MTF2: variants seen among roughly 807,000 people sequenced by gnomAD.
MTF2 encodes metal-response element-binding transcription factor 2.
In MTF2, 11 loss-of-function variants were observed where a neutral mutation model predicts 79.5. That is an observed-to-expected ratio of 0.14 (90% CI 0.09 to 0.23). The LOEUF (loss-of-function observed/expected upper bound fraction) is 0.23, where lower values mean the gene tolerates loss of function less well. Ranked by LOEUF, MTF2 falls within the 10% of genes least tolerant of loss-of-function variation. The pLI is 1.00. For missense variants in MTF2, 486 were observed against 711.2 expected, an observed-to-expected ratio of 0.68 and a Z score of 3.60; for synonymous variants, 208 against 232.8, an observed-to-expected ratio of 0.89 and a Z score of 0.97.
chr1:93,118,306 C>A (rs1321966250), intron 6 of MTF2, 39 bp from the exon 7 acceptor site: 62 of 1,168,014 alleles, frequency 5.3e-5, no homozygotes, highest in South Asian at 9.7e-5. Context: ...TCCCTTAAGA[C>A]AGGAATTTTA....
intron 11 of MTF2, 68 bp downstream of exon 11, chr1:93,129,516 G>T: frequency 3.4e-6 from 4 of 1,166,650 alleles, no homozygotes; most frequent in South Asian, 4.4e-5. Context: ...ATGTTATTTA[G>T]TCTCCTTAGT....
At chr1:93,084,521 C>CA (rs1165490915) in intron 1 of MTF2, among the ~76,000 whole-genome samples, 5 of 151,898 alleles carry the variant, frequency 3.3e-5, no homozygotes, top group Non-Finnish European at 7.4e-5. Context: ...TGAGTCTGTG[C>CA]AAAAAAACGC....
intron 1 of MTF2, among the ~76,000 whole-genome samples, chr1:93,099,104 T>G (rs1279939449): frequency 2.6e-5 from 4 of 152,152 alleles, no homozygotes. Context: ...GAAAAAGACC[T>G]CCATATTTTG....
chr1:93,089,016 T>A (rs1182582160), intron 1 of MTF2, among the ~76,000 whole-genome samples: 1 of 152,204 alleles, frequency 6.6e-6, no homozygotes, highest in Non-Finnish European at 1.5e-5. Flanking sequence ...TCGTACATTT[T>A]AAGATATTTA....
In MTF2 at chr1:93,114,985, A is replaced by G; in HGVS notation, c.383-3A>G. 1 of 1,569,132 alleles carries G rather than the reference A, an allele frequency of 6.4e-7. No homozygotes were observed. The highest frequency in any genetic ancestry group is 8.7e-7 in the Non-Finnish European group (1 of 1,146,634). ...TTTGCTTTATGCTTTTTTTGATATT[A>G]AGGATATCATCAGTTGTGTCACACA... On this transcript the variant is annotated splice_region_variant and splice_polypyrimidine_tract_variant and intron_variant, in intron 4 of 14. Transcript: ENST00000370298.
rs553401095 is a variant in MTF2, at chr1:93,097,773, T to G, written c.6-12457T>G. On this transcript the variant is annotated intron_variant, in intron 1 of 14. Coordinates refer to ENST00000370298, the MANE Select transcript of MTF2 (RefSeq NM_007358.4). ...CCACCATGCTCAGTTATTTTTTGTA[T>G]TTTTAGTAGAGACGGGGTTTCACCT... Among the ~76,000 whole-genome samples, 10 of 152,276 alleles carry G rather than the reference T, an allele frequency of 6.6e-5. No individual in the cohort carries two copies. The South Asian group carries it at 2.1e-3, about 32-fold the overall frequency.
chr1:93,121,548 A>G (rs992907038), intron 9 of MTF2: 5 of 983,142 alleles, frequency 5.1e-6, no homozygotes, highest in Admixed American at 6.2e-5. Context: ...CCTATTTCAT[A>G]TCAAATAGGA....
intron 1 of MTF2, among the ~76,000 whole-genome samples, chr1:93,097,685 C>G (rs1446130575): frequency 3.9e-5 from 6 of 152,106 alleles, no homozygotes; most frequent in Non-Finnish European, 7.4e-5. Context: ...GCAACCTCCA[C>G]CTCCCGGGTT....
chr1:93,092,656 A>G (rs1389011154), intron 1 of MTF2, among the ~76,000 whole-genome samples: 2 of 152,172 alleles, frequency 1.3e-5, no homozygotes, highest in African/African-American at 2.4e-5. Context: ...TTCTCTATAA[A>G]TATATTCTCT....
intron 1 of MTF2, among the ~76,000 whole-genome samples, chr1:93,105,093 G>A (rs922543763): frequency 1.2e-4 from 17 of 142,738 alleles, no homozygotes; most frequent in Admixed American, 1.1e-3. Context: ...GCAGTGAGCC[G>A]AGATAGCGCC....
chr1:93,085,476 CTT>C (rs71094225), intron 1 of MTF2, among the ~76,000 whole-genome samples: 1,047 of 99,600 alleles, frequency 0.011, 18 homozygotes, highest in African/African-American at 0.027. Context: ...TGCACCCGGC[CTT>C]TTTTTTTTTT....
chr1:93,115,432 AGCCTTCAC>A, intron 5 of MTF2, 30 bp from the exon 6 acceptor site: 1 of 1,425,790 alleles, frequency 7.0e-7, no homozygotes, highest in Non-Finnish European at 9.4e-7. Context: ...TTAAAATTTT[AGCCTTCAC>A]TCTTTCACAT....
intron 1 of MTF2, among the ~76,000 whole-genome samples, chr1:93,102,922 G>C (rs1655607234): frequency 6.6e-6 from 1 of 152,138 alleles, no homozygotes; most frequent in Non-Finnish European, 1.5e-5. Flanking sequence ...ACGAGGTCAG[G>C]AGTTCAAGAC....
chr1:93,104,283 T>TA (rs1655668574), intron 1 of MTF2, among the ~76,000 whole-genome samples: 1 of 152,014 alleles, frequency 6.6e-6, no homozygotes, highest in South Asian at 2.1e-4. Flanking sequence ...GGATTTATGT[T>TA]TATGTGGGTA....
chr1:93,138,995 C>T lies in MTF2; in HGVS notation c.*1968C>T, dbSNP rs933665177. On this transcript the variant is annotated 3_prime_UTR_variant, in exon 15 of 15. Transcript: ENST00000370298. ...TTTTCTCATGGTGGTTCACATGGCT[C>T]TGATGTTCAGTTTGTATTTTTGGAA... is the stretch of plus-strand genomic sequence containing the variant. 1 of 152,120 alleles carries T rather than the reference C, an allele frequency of 6.6e-6. No individual in the cohort carries two copies. Among genetic ancestry groups the T allele is most frequent in the Admixed American group, 6.5e-5 (1 of 15,274 alleles). 9.4% of individuals were successfully genotyped at this position (152,120 alleles called of 1,614,324 possible).
rs527445327 is a variant in MTF2, at chr1:93,124,146, A to G, written c.922-3086A>G. Among the ~76,000 whole-genome samples, 13 of 152,186 alleles carry G rather than the reference A, an allele frequency of 8.5e-5. No individual in the cohort carries two copies. In the South Asian group the frequency reaches 1.9e-3, roughly 22 times the overall value. On this transcript the variant is annotated intron_variant, in intron 9 of 14. Coordinates refer to ENST00000370298, the MANE Select transcript of MTF2 (RefSeq NM_007358.4). ...AATCATTTTAGAAGATAATGGTAGT[A>G]TTACATTGTTTCCTTATGTAGTTTT...
At position 93,114,915 on chromosome 1, in the gene MTF2, A is replaced by C. The variant is rs555989838; in HGVS notation, c.383-73A>C. ...TTATATTAATGTAGGAAATAATGCT[A>C]AAATGCATTCTTGAAATTGTGTTGA... On this transcript the variant is annotated intron_variant, in intron 4 of 14. Transcript: ENST00000370298. 1.2e-4 allele frequency: 150 copies of C among 1,278,880 alleles called. 2 individuals carry two copies. In the East Asian group the frequency reaches 3.1e-3, roughly 26 times the overall value. The allele number at this position is 1,278,880 out of a possible 1,614,324, so 79.2% of individuals were successfully genotyped here.
intron 1 of MTF2, among the ~76,000 whole-genome samples, chr1:93,084,344 TTA>T (rs1294982117): frequency 1.3e-5 from 2 of 152,210 alleles, no homozygotes; most frequent in African/African-American, 4.8e-5. Flanking sequence ...TTCCATTGAT[TTA>T]TGTGTCTGTA....
At chr1:93,129,230 A>T in intron 10 of MTF2, 48 bp from the exon 11 acceptor site, 1 of 1,365,870 alleles carries the variant, frequency 7.3e-7, no homozygotes, top group Non-Finnish European at 1.0e-6. Flanking sequence ...TCTACTATGT[A>T]TATGTGTTCA....
Sources: gnomAD v4.1 joint callset for allele counts (sites outside exome capture counted in the v4.1 genomes callset) on GRCh38, gnomAD v4.1.1 for gene constraint, MANE v1.5 for transcripts, NCBI Gene and HGNC (gene_info 2026-07-23, HGNC 2026-07-21) for gene names.